Variants in DCAF1 observed in about 807,000 individuals in gnomAD.
The protein encoded by DCAF1 is DDB1 and CUL4 associated factor 1.
Under a neutral mutation model 128.0 loss-of-function variants are expected in DCAF1, and 15 were observed. The observed-to-expected ratio is 0.12, with a 90% confidence interval of 0.08 to 0.18. The LOEUF is 0.18. DCAF1 is among the 10% of genes least tolerant of loss of function. The pLI, the probability that DCAF1 is intolerant of heterozygous loss-of-function variation, is 1.00. For synonymous variants in DCAF1, 610 were observed against 603.0 expected, an observed-to-expected ratio of 1.01 and a Z score of -0.17; for missense variants, 988 against 1,649.5, an observed-to-expected ratio of 0.60 and a Z score of 6.95.
intron 6 of DCAF1, among the ~76,000 whole-genome samples, chr3:51,457,693 C>T (rs1703074436): frequency 6.6e-6 from 1 of 152,200 alleles, no homozygotes; most frequent in African/African-American, 2.4e-5. Context: ...AAGGGAAGCC[C>T]ATCAGACTAA....
chr3:51,406,066 G>A (rs937263835), intron 23 of DCAF1, among the ~76,000 whole-genome samples: 8 of 151,554 alleles, frequency 5.3e-5, no homozygotes, highest in African/African-American at 9.7e-5. Context: ...AAAACAGGCC[G>A]GGCGTGGTGG....
chr3:51,478,859 C>G (rs970676660), intron 3 of DCAF1, among the ~76,000 whole-genome samples: 1 of 151,952 alleles, frequency 6.6e-6, no homozygotes, highest in Admixed American at 6.6e-5. Context: ...AATCCTGTTC[C>G]TTAAAAAAAA....
intron 13 of DCAF1, among the ~76,000 whole-genome samples, chr3:51,424,332 G>A (rs782039977): frequency 1.6e-4 from 25 of 151,890 alleles, no homozygotes; most frequent in Admixed American, 1.4e-3. Context: ...CCCAGGAGGC[G>A]GAGGTTGCCA....
intron 9 of DCAF1, among the ~76,000 whole-genome samples, chr3:51,438,656 G>A (rs1241567006): frequency 6.6e-6 from 1 of 152,242 alleles, no homozygotes; most frequent in Non-Finnish European, 1.5e-5. Context: ...TTATTGCCCA[G>A]GCTGGAATGC....
intron 2 of DCAF1, among the ~76,000 whole-genome samples, chr3:51,492,254 C>T (rs1230281334): frequency 6.6e-6 from 1 of 151,920 alleles, no homozygotes; most frequent in Non-Finnish European, 1.5e-5. Flanking sequence ...GGGCCGAGTG[C>T]TGTGGCTCAT....
At chr3:51,416,612 A>G (rs1424931650) in intron 18 of DCAF1, among the ~76,000 whole-genome samples, 175 bp downstream of exon 18, 7 of 152,228 alleles carry the variant, frequency 4.6e-5, no homozygotes, top group Admixed American at 2.6e-4. Context: ...TAGCCCTTAT[A>G]CATTTTTCCC....
chr3:51,427,008 T>C (rs1699964415), intron 13 of DCAF1, among the ~76,000 whole-genome samples: 1 of 152,182 alleles, frequency 6.6e-6, no homozygotes, highest in African/African-American at 2.4e-5. Context: ...ATAAACATTA[T>C]ATATGGTTGT....
intron 6 of DCAF1, among the ~76,000 whole-genome samples, chr3:51,456,214 T>C (rs1302090600): frequency 6.6e-6 from 1 of 152,198 alleles, no homozygotes; most frequent in Non-Finnish European, 1.5e-5. Context: ...ACCCTAATAC[T>C]GCGCTTTTCC....
intron 14 of DCAF1, among the ~76,000 whole-genome samples, chr3:51,421,297 C>T (rs1249700047): frequency 1.3e-5 from 2 of 152,118 alleles, no homozygotes; most frequent in Non-Finnish European, 2.9e-5. Flanking sequence ...CGCTCTGTCG[C>T]CCAAGCTGGA....
intron 13 of DCAF1, among the ~76,000 whole-genome samples, chr3:51,424,150 T>C (rs1699691588): frequency 6.6e-6 from 1 of 151,790 alleles, no homozygotes; most frequent in Non-Finnish European, 1.5e-5. Context: ...AAAAACCGGC[T>C]GGGTGTGGTG....
chr3:51,442,573 C>G (rs1208521254), intron 7 of DCAF1, among the ~76,000 whole-genome samples: 1 of 152,004 alleles, frequency 6.6e-6, no homozygotes. Context: ...GAGGTGCTCG[C>G]CTGTAATCCC....
intron 9 of DCAF1, among the ~76,000 whole-genome samples, chr3:51,435,069 C>T (rs1275786183): frequency 1.3e-5 from 2 of 152,218 alleles, no homozygotes; most frequent in Non-Finnish European, 2.9e-5. Context: ...TAACCAGGCT[C>T]AGGCTAACCC....
intron 13 of DCAF1, among the ~76,000 whole-genome samples, chr3:51,424,335 G>A (rs896059243): frequency 6.6e-6 from 1 of 151,784 alleles, no homozygotes; most frequent in Non-Finnish European, 1.5e-5. Context: ...AGGAGGCGGA[G>A]GTTGCCATAA....
intron 14 of DCAF1, among the ~76,000 whole-genome samples, chr3:51,421,989 G>A (rs1206417621): frequency 6.6e-6 from 1 of 152,038 alleles, no homozygotes; most frequent in African/African-American, 2.4e-5. Context: ...TCTTCAGAGT[G>A]TGAGCTTTTC....
chr3:51,457,937 C>T (rs1275080503), intron 6 of DCAF1, among the ~76,000 whole-genome samples: 4 of 152,122 alleles, frequency 2.6e-5, no homozygotes, highest in African/African-American at 9.7e-5. Flanking sequence ...AAGAAACAAC[C>T]GGTACCAGCC....
chr3:51,452,025 A>G (rs1202508716), intron 6 of DCAF1, among the ~76,000 whole-genome samples: 1 of 152,134 alleles, frequency 6.6e-6, no homozygotes, highest in Non-Finnish European at 1.5e-5. Context: ...CAAAATTTGA[A>G]AAACACCATC....
At position 51,398,520 on chromosome 3, in the gene DCAF1, A is replaced by C; in HGVS notation, c.*249T>G. 2 of 428,008 alleles carry C rather than the reference A, an allele frequency of 4.7e-6. No homozygotes were observed. Among genetic ancestry groups the C allele is most frequent in the East Asian group, 3.8e-5 (1 of 26,358 alleles). 26.5% of individuals were successfully genotyped at this position (428,008 alleles called of 1,614,324 possible). A position where few individuals can be genotyped will look rare whatever the true frequency, so the allele number is the denominator to read the frequency against. The stretch of plus-strand genomic sequence containing the variant: ...CTTGAAAGATATGTCCATCCTAGGA[A>C]ATGGTGGGGGGTGGATGTGGGGGGT... On this transcript the variant is annotated 3_prime_UTR_variant, in exon 25 of 25. Transcript: ENST00000684031.
chr3:51,503,220 C>T (rs1708861081), upstream of DCAF1, among the ~76,000 whole-genome samples: 1 of 152,046 alleles, frequency 6.6e-6, no homozygotes, highest in Admixed American at 6.5e-5. Context: ...GGGGGCTGCC[C>T]AGCAGCAGAG....
At chr3:51,423,558 C>T (rs1577098910) in intron 13 of DCAF1, among the ~76,000 whole-genome samples, 3 of 151,236 alleles carry the variant, frequency 2.0e-5, no homozygotes, top group East Asian at 3.9e-4. Flanking sequence ...TGGCTCACGC[C>T]GGTAATCACA....
Sources: gnomAD v4.1 joint callset for allele counts (sites outside exome capture counted in the v4.1 genomes callset) on GRCh38, gnomAD v4.1.1 for gene constraint, MANE v1.5 for transcripts, NCBI Gene and HGNC (gene_info 2026-07-23, HGNC 2026-07-21) for gene names.